The following ADCK1 variants were observed in gnomAD, a reference collection of about 807,000 sequenced individuals.
ADCK1 encodes the protein aarF domain-containing protein kinase 1.
ADCK1 carries 41 observed loss-of-function variants against 52.3 expected under a neutral mutation model. The ratio of observed to expected loss-of-function variants is 0.78; its 90% CI spans 0.61 to 1.02. The LOEUF is 1.02. ADCK1 is among the 50% of genes least tolerant of loss of function. ADCK1 has a pLI of 0.00. For synonymous variants in ADCK1, 250 were observed against 274.6 expected, an observed-to-expected ratio of 0.91 and a Z score of 0.89; for missense variants, 658 against 679.5, an observed-to-expected ratio of 0.97 and a Z score of 0.35.
At chr14:77,909,414 C>T (rs887991392) in intron 7 of ADCK1, among the ~76,000 whole-genome samples, 30 of 152,164 alleles carry the variant, frequency 2.0e-4, no homozygotes, top group African/African-American at 7.0e-4. Flanking sequence ...GGATTACAGG[C>T]GTGAGCCACC....
intron 7 of ADCK1, among the ~76,000 whole-genome samples, chr14:77,922,243 A>G (rs569986115): frequency 3.3e-5 from 5 of 152,256 alleles, no homozygotes; most frequent in South Asian, 4.2e-4. Flanking sequence ...GGAAGCAGAC[A>G]GTGGTGGCCC....
chr14:77,924,794 T>C (rs2084149752), intron 8 of ADCK1, among the ~76,000 whole-genome samples, 188 bp downstream of exon 8: 1 of 152,186 alleles, frequency 6.6e-6, no homozygotes, highest in African/African-American at 2.4e-5. Flanking sequence ...TGCCTCCTCA[T>C]GAAGGTGAGG....
intron 1 of ADCK1, among the ~76,000 whole-genome samples, chr14:77,803,540 T>G (rs2081157485): frequency 6.6e-6 from 1 of 152,210 alleles, no homozygotes; most frequent in Non-Finnish European, 1.5e-5. Flanking sequence ...TCCTGTTGCT[T>G]CATTTTCATA....
At chr14:77,928,932 C>A (rs981386756) in intron 9 of ADCK1, among the ~76,000 whole-genome samples, 7 of 152,184 alleles carry the variant, frequency 4.6e-5, no homozygotes, top group Non-Finnish European at 8.8e-5. Flanking sequence ...TTTGTCTGCA[C>A]GCCTTAACTC....
intron 5 of ADCK1, among the ~76,000 whole-genome samples, chr14:77,894,357 C>T (rs1054222233): frequency 6.6e-6 from 1 of 152,140 alleles, no homozygotes; most frequent in African/African-American, 2.4e-5. Flanking sequence ...GCTGTTTTCC[C>T]ATGGAACATT....
intron 5 of ADCK1, among the ~76,000 whole-genome samples, chr14:77,896,558 G>A (rs1009247207): frequency 2.0e-5 from 3 of 152,340 alleles, no homozygotes; most frequent in Non-Finnish European, 2.9e-5. Flanking sequence ...GCTGGCCTCC[G>A]CCTGGGCCTG....
At position 77,817,943 on chromosome 14, in the gene ADCK1, T is replaced by G. The variant is rs570057998; in HGVS notation, c.-11-1025T>G. Among the ~76,000 whole-genome samples the G allele has an allele frequency of 4.6e-5, 7 of 151,814 alleles. No individual in the cohort carries two copies. The South Asian group carries it at 6.2e-4, about 14-fold the overall frequency. On this transcript the variant is annotated intron_variant, in intron 1 of 10. Transcript: ENST00000238561. ...TTAGTAGAGACGGGGTTTCATCGTG[T>G]TAGCCAGGATGGTCTTGATCTCCTG...
chr14:77,861,071 G>C (rs1362497774), intron 4 of ADCK1, among the ~76,000 whole-genome samples: 1 of 152,144 alleles, frequency 6.6e-6, no homozygotes, highest in African/African-American at 2.4e-5. Flanking sequence ...GACGTCGCCT[G>C]ATCTTCAGGG....
At chr14:77,904,717 CTG>C (rs2083619251) in intron 6 of ADCK1, among the ~76,000 whole-genome samples, 1 of 152,120 alleles carries the variant, frequency 6.6e-6, no homozygotes, top group Non-Finnish European at 1.5e-5. Context: ...GGCCTCTGCT[CTG>C]TGGCAAAGAG....
At chr14:77,930,498 G>A (rs936822164) in intron 9 of ADCK1, among the ~76,000 whole-genome samples, 3 of 152,140 alleles carry the variant, frequency 2.0e-5, no homozygotes, top group Non-Finnish European at 4.4e-5. Flanking sequence ...AGGACACTAA[G>A]TTGAAAGAGA....
At chr14:77,918,424 A>G (rs940376112) in intron 7 of ADCK1, among the ~76,000 whole-genome samples, 1 of 152,212 alleles carries the variant, frequency 6.6e-6, no homozygotes, top group African/African-American at 2.4e-5. Context: ...AGATGTGTCT[A>G]TCATGCCCCA....
At position 77,822,490 on chromosome 14, in the gene ADCK1, C is replaced by T; in HGVS notation, c.191C>T (p.Ser64Leu). 6.2e-7 allele frequency: 1 copy of T among 1,614,088 alleles called. No individual in the cohort carries two copies. The highest frequency in any genetic ancestry group is 8.5e-7 in the Non-Finnish European group (1 of 1,179,962). The change falls in exon 3 of 11, where the codon TCA becomes TTA. Residue 64 changes from serine (S) to leucine (L), a missense_variant. Coordinates refer to ENST00000238561, the MANE Select transcript of ADCK1 (RefSeq NM_020421.4). Reference sequence around the variant, plus strand: ...TCCCTGAAGAGTGTCCCTTATGGCTCAGAGGAGTACTTGCAGCTGAGATCT... The same window carrying T: ...TCCCTGAAGAGTGTCCCTTATGGCTTAGAGGAGTACTTGCAGCTGAGATCT... ...LTSLKSVPYG[S>L]EEYLQLRSKV...
intron 5 of ADCK1, among the ~76,000 whole-genome samples, chr14:77,893,807 C>A (rs956492598): frequency 6.7e-6 from 1 of 149,384 alleles, no homozygotes; most frequent in Non-Finnish European, 1.5e-5. Flanking sequence ...GACCTTGGCT[C>A]ACTGCAACCT....
At chr14:77,824,498 A>C (rs1178057210) in intron 3 of ADCK1, among the ~76,000 whole-genome samples, 3 of 136,230 alleles carry the variant, frequency 2.2e-5, no homozygotes, top group Non-Finnish European at 4.6e-5. Flanking sequence ...CAGTGGTGTG[A>C]TCTTGGCTCA....
At chr14:77,818,402 C>T (rs2081509428) in intron 1 of ADCK1, among the ~76,000 whole-genome samples, 2 of 152,160 alleles carry the variant, frequency 1.3e-5, no homozygotes, top group African/African-American at 4.8e-5. Context: ...CCACCTCAGC[C>T]TCCTGAGTAG....
chr14:77,818,428 C>T (rs1288475388), intron 1 of ADCK1, among the ~76,000 whole-genome samples: 3 of 152,058 alleles, frequency 2.0e-5, no homozygotes, highest in South Asian at 2.1e-4. Context: ...ACCACAGGCA[C>T]GTGCCATGAT....
At chr14:77,884,543 T>C (rs2083105780) in intron 4 of ADCK1, among the ~76,000 whole-genome samples, 1 of 152,136 alleles carries the variant, frequency 6.6e-6, no homozygotes, top group Admixed American at 6.5e-5. Context: ...TCAGAGCCCC[T>C]TCAGTTGTGT....
At chr14:77,849,519 A>G (rs1274606586) in intron 3 of ADCK1, among the ~76,000 whole-genome samples, 2 of 152,020 alleles carry the variant, frequency 1.3e-5, no homozygotes, top group African/African-American at 2.4e-5. Flanking sequence ...ATGGCTCACT[A>G]CAACCTTGAC....
rs1454057015 is a variant in ADCK1, at chr14:77,923,542, C to A, written c.859-915C>A. ...GGCCCCAGCTCCTCTCCCCTCTGAC[C>A]AGGTTAGGTTTGTTAATGACCATGG... On this transcript the variant is annotated intron_variant, in intron 7 of 10. Transcript: ENST00000238561. The surrounding 1 kb of genome is among the most constrained non-coding windows in gnomAD (Gnocchi z 4.3). 1 of 152,196 alleles carries A rather than the reference C, an allele frequency of 6.6e-6. No individual in the cohort carries two copies. The highest frequency in any genetic ancestry group is 1.5e-5 in the Non-Finnish European group (1 of 68,082). 9.4% of individuals were successfully genotyped at this position (152,196 alleles called of 1,614,324 possible).
Sources: allele counts gnomAD v4.1 joint callset (sites outside exome capture counted in the v4.1 genomes callset), GRCh38; gene constraint gnomAD v4.1.1; non-coding constraint Gnocchi (gnomAD v3.1); transcripts MANE v1.5; gene names NCBI Gene and HGNC (gene_info 2026-07-23, HGNC 2026-07-21).